PGAP1: variants seen among roughly 807,000 people sequenced by gnomAD.
The protein encoded by PGAP1 is post-GPI attachment to proteins inositol deacylase 1.
A neutral mutation model predicts 127.0 loss-of-function variants in PGAP1; 76 were observed. That is an observed-to-expected ratio of 0.60 (90% confidence interval 0.50 to 0.72). The LOEUF (loss-of-function observed/expected upper bound fraction) is 0.72. Ranked by LOEUF, PGAP1 falls within the 30% of genes least tolerant of loss-of-function variation. The pLI is 0.00. For missense variants in PGAP1, 982 were observed against 1,071.3 expected (o/e 0.92, Z 1.16); for synonymous variants, 362 against 366.5 (o/e 0.99, Z 0.14).
rs761729249 is a variant in PGAP1, at chr2:196,880,103, A to G, written c.1323T>C (p.Val441=). The change falls in exon 13 of 27, where the codon GTT becomes GTC. Residue 441 remains valine (V), a synonymous_variant. Coordinates refer to ENST00000354764, the MANE Select transcript of PGAP1 (RefSeq NM_024989.4). ...QDYPSLSHLV[V]YVPSVRGSKF... ...TACTTCCACGAACAGATGGTACATAAACAACAAGATGAGACAAAGATGGAT... is the reference window on the plus strand; with the variant it reads ...TACTTCCACGAACAGATGGTACATAGACAACAAGATGAGACAAAGATGGAT... 10 of 1,602,778 alleles carry G rather than the reference A, an allele frequency of 6.2e-6. No homozygotes were observed. In the East Asian group the frequency reaches 2.3e-4, roughly 36 times the overall value.
At chr2:196,857,456 A>C (rs1275295902) in intron 20 of PGAP1, among the ~76,000 whole-genome samples, 1 of 152,194 alleles carries the variant, frequency 6.6e-6, no homozygotes, top group African/African-American at 2.4e-5. Flanking sequence ...CCTAGTCACC[A>C]ATCATTACAA....
chr2:196,892,460 TTTC>T, intron 8 of PGAP1, 59 bp from the exon 9 acceptor site: 1 of 741,970 alleles, frequency 1.3e-6, no homozygotes, highest in East Asian at 2.6e-5. Flanking sequence ...ACATAGTTTC[TTTC>T]TTCTTTGAAT....
At chr2:196,899,142 T>C (rs1367213582) in intron 5 of PGAP1, among the ~76,000 whole-genome samples, 4 of 152,192 alleles carry the variant, frequency 2.6e-5, no homozygotes, top group African/African-American at 9.7e-5. Flanking sequence ...TCTGATTTTA[T>C]TTTTCATAGC....
At chr2:196,857,957 T>C (rs969819709) in intron 20 of PGAP1, among the ~76,000 whole-genome samples, 4 of 152,198 alleles carry the variant, frequency 2.6e-5, no homozygotes, top group African/African-American at 4.8e-5. Flanking sequence ...GCACACATAT[T>C]CCCACTGCAG....
chr2:196,886,571 T>G (rs1701914003), intron 10 of PGAP1, among the ~76,000 whole-genome samples: 1 of 152,204 alleles, frequency 6.6e-6, no homozygotes, highest in Non-Finnish European at 1.5e-5. Context: ...AATCTACATT[T>G]TTTAAATGAA....
chr2:196,836,672 A>T lies in PGAP1; in HGVS notation c.*4562T>A, dbSNP rs1442443533. Reference sequence around the variant, plus strand: ...GGGTAAACATAAAAGTTCATTACAGAATTTAAAACATTCTTAGTTCAAAAA... The same window carrying T: ...GGGTAAACATAAAAGTTCATTACAGTATTTAAAACATTCTTAGTTCAAAAA... On this transcript the variant is annotated 3_prime_UTR_variant, in exon 27 of 27. Transcript: ENST00000354764. The T allele has an allele frequency of 6.7e-6, 1 of 149,256 alleles. No homozygotes were observed. Among genetic ancestry groups the T allele is most frequent in the Non-Finnish European group, 1.5e-5 (1 of 67,662 alleles). The allele number at this position is 149,256 out of a possible 1,614,324, so 9.2% of individuals were successfully genotyped here.
At chr2:196,912,605 A>C (rs1212071224) in intron 4 of PGAP1, among the ~76,000 whole-genome samples, 2 of 150,890 alleles carry the variant, frequency 1.3e-5, no homozygotes, top group East Asian at 3.9e-4. Context: ...AAAAAAAAAA[A>C]AACTAAACGG....
intron 13 of PGAP1, among the ~76,000 whole-genome samples, chr2:196,876,779 G>T (rs1050740226): frequency 1.3e-5 from 2 of 152,082 alleles, no homozygotes; most frequent in African/African-American, 2.4e-5. Flanking sequence ...GTAGATTTTT[G>T]ATTGTTTTCA....
At position 196,893,220 on chromosome 2, in the gene PGAP1, A is replaced by G; in HGVS notation, c.953T>C (p.Leu318Pro). The G allele has an allele frequency of 6.3e-7, 1 of 1,594,654 alleles. No individual in the cohort carries two copies. Among genetic ancestry groups the G allele is most frequent in the Non-Finnish European group, 8.6e-7 (1 of 1,165,714 alleles). Reference protein sequence around the residue: ...KQITQNSKKKLSVLYHHFIRH... With the variant: ...KQITQNSKKKPSVLYHHFIRH... ...TATAAAGTGGTGATACAAAACTGAC[A>G]GTTTCTTCTTGGAATTTTGAGTTAT... Residue 318 changes from leucine to proline, a missense_variant, in exon 8 of 27, where the codon CTG (leucine) becomes CCG (proline). Transcript: ENST00000354764.
intron 14 of PGAP1, 63 bp from the exon 15 acceptor site, chr2:196,873,821 T>C: frequency 1.8e-6 from 2 of 1,100,938 alleles, no homozygotes; most frequent in Non-Finnish European, 1.4e-6. Flanking sequence ...ACATACTGAT[T>C]ATTTAATTAG....
chr2:196,912,836 T>G, intron 4 of PGAP1, 46 bp downstream of exon 4: 5 of 1,465,462 alleles, frequency 3.4e-6, no homozygotes, highest in Non-Finnish European at 4.6e-6. Context: ...ATTTATTTAA[T>G]CTTAAATAAC....
Position 196,838,001 on chromosome 2 carries a change from A to T in PGAP1, c.*3233T>A, listed in dbSNP as rs1700282780. The T allele has an allele frequency of 3.3e-5, 5 of 152,334 alleles. No homozygotes were observed. In the South Asian group the frequency reaches 1.0e-3, roughly 32 times the overall value. The allele number at this position is 152,334 out of a possible 1,614,324, so 9.4% of individuals were successfully genotyped here. A position where few individuals can be genotyped will look rare whatever the true frequency, so the allele number is the denominator to read the frequency against. On this transcript the variant is annotated 3_prime_UTR_variant, in exon 27 of 27. Coordinates refer to ENST00000354764, the MANE Select transcript of PGAP1 (RefSeq NM_024989.4). ...CATTCTGGTGATAACCAAGAGAAAAAAAAGAGTTAGCAGAACCTGTTTAAT... is the reference window on the plus strand; with the variant it reads ...CATTCTGGTGATAACCAAGAGAAAATAAAGAGTTAGCAGAACCTGTTTAAT...
chr2:196,841,485 G>T, intron 26 of PGAP1, 113 bp from the exon 27 acceptor site: 1 of 804,154 alleles, frequency 1.2e-6, no homozygotes, highest in African/African-American at 1.8e-5. Flanking sequence ...GAATTTAAAT[G>T]AATTTTTAAT....
intron 8 of PGAP1, among the ~76,000 whole-genome samples, chr2:196,892,923 T>C (rs1333520065): frequency 6.6e-6 from 1 of 152,056 alleles, no homozygotes; most frequent in Non-Finnish European, 1.5e-5. Flanking sequence ...GACAAAATTT[T>C]TACCAGCAAT....
chr2:196,874,437 A>C (rs1025919568), intron 14 of PGAP1, among the ~76,000 whole-genome samples: 1 of 152,198 alleles, frequency 6.6e-6, no homozygotes, highest in Admixed American at 6.6e-5. Context: ...GCTAAGTACT[A>C]GATGAACCAA....
chr2:196,926,694 G>A lies in PGAP1; in HGVS notation c.-78C>T. 1 of 1,598,130 alleles carries A rather than the reference G, an allele frequency of 6.3e-7. No individual in the cohort carries two copies. The highest frequency in any genetic ancestry group is 8.5e-7 in the Non-Finnish European group (1 of 1,171,682). ...CCGCGGGGCCCCAAGCCCGGACTGA[G>A]CGTGCTAGACACTGTCCGACCGCCA... On this transcript the variant is annotated 5_prime_UTR_variant, in exon 1 of 27. Transcript: ENST00000354764.
intron 10 of PGAP1, among the ~76,000 whole-genome samples, chr2:196,886,157 C>CTTTT (rs768495810): frequency 2.7e-4 from 33 of 122,144 alleles, no homozygotes; most frequent in African/African-American, 9.0e-4. Flanking sequence ...CTGGTTATCT[C>CTTTT]TTTTTTTTTT....
At chr2:196,881,117 A>G (rs1327666755) in intron 12 of PGAP1, among the ~76,000 whole-genome samples, 18 of 152,138 alleles carry the variant, frequency 1.2e-4, no homozygotes, top group Admixed American at 1.2e-3. Flanking sequence ...GAGAAGATGC[A>G]GCATTTGGTT....
At chr2:196,861,082 G>T (rs1383996872) in intron 20 of PGAP1, among the ~76,000 whole-genome samples, 2 of 152,142 alleles carry the variant, frequency 1.3e-5, no homozygotes, top group African/African-American at 4.8e-5. Flanking sequence ...ATACATTGGA[G>T]AAAGGATAGT....
Sources: allele counts gnomAD v4.1 joint callset (sites outside exome capture counted in the v4.1 genomes callset), GRCh38; gene constraint gnomAD v4.1.1; transcripts MANE v1.5; gene names NCBI Gene and HGNC (gene_info 2026-07-23, HGNC 2026-07-21).